The following SMAD3 variants were observed in gnomAD, a reference collection of about 807,000 sequenced individuals.
The protein encoded by SMAD3 is SMAD family member 3, also known as MAD homolog 3.
SMAD3 carries 12 observed loss-of-function variants against 51.8 expected under a neutral mutation model. The observed-to-expected ratio is 0.23, with a 90% CI of 0.15 to 0.38. SMAD3 has a LOEUF of 0.38. Among genes scored for constraint, SMAD3 ranks in the 10% least tolerant of loss-of-function variants. The probability of loss-of-function intolerance (pLI) is 1.00; values close to 1 mark genes in which losing one functional copy is unlikely to be tolerated. For synonymous variants in SMAD3, 238 were observed against 227.7 expected, an observed-to-expected ratio of 1.05 and a Z score of -0.41; for missense variants, 294 against 565.6, an observed-to-expected ratio of 0.52 and a Z score of 4.87.
chr15:67,092,991 G>A (rs1715344002), intron 1 of SMAD3, among the ~76,000 whole-genome samples: 2 of 152,142 alleles, frequency 1.3e-5, no homozygotes, highest in East Asian at 3.9e-4. Flanking sequence ...ACACTTAGGA[G>A]GCTTGTAGCC....
chr15:67,083,958 G>C (rs551552491), intron 1 of SMAD3, among the ~76,000 whole-genome samples: 1 of 152,054 alleles, frequency 6.6e-6, no homozygotes, highest in East Asian at 1.9e-4. Flanking sequence ...TTATGACTTT[G>C]GGGAAGTCAA....
chr15:67,192,867 C>A lies in SMAD3; in HGVS notation c.*2331C>A, dbSNP rs1963403112. 1.3e-5 allele frequency: 3 copies of A among 233,376 alleles called. No individual in the cohort carries two copies. Among genetic ancestry groups the A allele is most frequent in the East Asian group, 6.0e-5 (1 of 16,730 alleles). The allele number at this position is 233,376 out of a possible 1,614,324, so 14.5% of individuals were successfully genotyped here. ...GTCTTAGAACCCTCATTGCTCAGAC[C>A]TGAAGGCTACTTCTAGGAGCATGAA... is the stretch of plus-strand genomic sequence containing the variant. On this transcript the variant is annotated 3_prime_UTR_variant, in exon 9 of 9. Coordinates refer to ENST00000327367, the MANE Select transcript of SMAD3 (RefSeq NM_005902.4).
chr15:67,142,938 T>G (rs1961871866), intron 1 of SMAD3: 1 of 398,290 alleles, frequency 2.5e-6, no homozygotes, highest in Admixed American at 2.8e-5. Flanking sequence ...TGGAACATCC[T>G]CCTCATTTTC....
In SMAD3 at chr15:67,107,154, A is replaced by T. The variant is rs779288417; in HGVS notation, c.206+40794A>T. On this transcript the variant is annotated intron_variant, in intron 1 of 8. Coordinates refer to ENST00000327367, the MANE Select transcript of SMAD3 (RefSeq NM_005902.4). ...TCAATAAATGTTTACTGAGTGCATT[A>T]AAAAAAAAAAAAAGATTTTAATGAG... Among the ~76,000 whole-genome samples the T allele has an allele frequency of 6.4e-5, 9 of 139,918 alleles. No individual in the cohort carries two copies. The South Asian group carries it at 6.6e-4, about 10-fold the overall frequency. The allele number at this position is 139,918 out of a possible 152,430, so 91.8% of individuals were successfully genotyped here.
chr15:67,113,171 C>G (rs1429593718), intron 1 of SMAD3, among the ~76,000 whole-genome samples: 1 of 124,220 alleles, frequency 8.1e-6, no homozygotes, highest in Non-Finnish European at 1.6e-5. Flanking sequence ...GCAAACTCTG[C>G]CTCCCGGGTT....
chr15:67,167,747 C>T (rs1962629662), intron 4 of SMAD3, among the ~76,000 whole-genome samples: 1 of 152,204 alleles, frequency 6.6e-6, no homozygotes, highest in Non-Finnish European at 1.5e-5. Flanking sequence ...ACCAAATTGG[C>T]TCCAGACCAG....
intron 1 of SMAD3, among the ~76,000 whole-genome samples, chr15:67,161,324 C>T (rs1962425979): frequency 1.3e-5 from 2 of 152,158 alleles, no homozygotes; most frequent in Admixed American, 6.5e-5. Context: ...ATTATTGTAG[C>T]TCCCTTGTTT....
In SMAD3 at chr15:67,192,821, G is replaced by A. The variant is rs62014609; in HGVS notation, c.*2285G>A. 57 of 233,164 alleles carry A rather than the reference G, an allele frequency of 2.4e-4. No homozygotes were observed. Among genetic ancestry groups the A allele is most frequent in the Non-Finnish European group, 3.9e-4 (46 of 117,946 alleles). 14.4% of individuals were successfully genotyped at this position (233,164 alleles called of 1,614,324 possible). On this transcript the variant is annotated 3_prime_UTR_variant, in exon 9 of 9. Transcript: ENST00000327367. ...AACTTTGAATGTGATGAAATGACAC[G>A]TTTGGCTGCATTTGGATGGTGTCTT...
At chr15:67,156,933 C>T (rs942438877) in intron 1 of SMAD3, among the ~76,000 whole-genome samples, 4 of 152,182 alleles carry the variant, frequency 2.6e-5, no homozygotes, top group African/African-American at 9.7e-5. Context: ...CAATAGTCTA[C>T]CCCAAAGTCA....
At chr15:67,081,203 A>C (rs1344198657) in intron 1 of SMAD3, among the ~76,000 whole-genome samples, 2 of 152,138 alleles carry the variant, frequency 1.3e-5, no homozygotes, top group African/African-American at 2.4e-5. Flanking sequence ...ACGCGGAGGC[A>C]TGTGTGGGGG....
chr15:67,179,100 C>T (rs1410673292), intron 5 of SMAD3, among the ~76,000 whole-genome samples: 2 of 152,162 alleles, frequency 1.3e-5, no homozygotes, highest in Non-Finnish European at 2.9e-5. Context: ...GAAACAGCGC[C>T]GAGAGTAAAG....
chr15:67,124,153 A>G (rs1961330157), intron 1 of SMAD3, among the ~76,000 whole-genome samples: 1 of 152,080 alleles, frequency 6.6e-6, no homozygotes, highest in African/African-American at 2.4e-5. Flanking sequence ...ACGTCTGGCT[A>G]ATTTTTGTAT....
chr15:67,090,031 G>A (rs1183115511), intron 1 of SMAD3, among the ~76,000 whole-genome samples: 1 of 152,178 alleles, frequency 6.6e-6, no homozygotes, highest in Non-Finnish European at 1.5e-5. Flanking sequence ...CTCCTGGAGG[G>A]CTGCCCCCGC....
intron 1 of SMAD3, among the ~76,000 whole-genome samples, chr15:67,087,216 C>T (rs914029109): frequency 6.6e-6 from 1 of 152,150 alleles, no homozygotes; most frequent in African/African-American, 2.4e-5. Flanking sequence ...ATGTCAGTGT[C>T]TCTGGGAAGC....
chr15:67,103,798 G>A (rs1424770033), intron 1 of SMAD3, among the ~76,000 whole-genome samples: 1 of 152,174 alleles, frequency 6.6e-6, no homozygotes, highest in Non-Finnish European at 1.5e-5. Flanking sequence ...CCACCGTTTC[G>A]GCTTTGACAT....
chr15:67,192,867 C>T lies in SMAD3; in HGVS notation c.*2331C>T. 1 of 233,376 alleles carries T rather than the reference C, an allele frequency of 4.3e-6. No individual in the cohort carries two copies. The highest frequency in any genetic ancestry group is 8.5e-6 in the Non-Finnish European group (1 of 117,992). 14.5% of individuals were successfully genotyped at this position (233,376 alleles called of 1,614,324 possible). ...GTCTTAGAACCCTCATTGCTCAGAC[C>T]TGAAGGCTACTTCTAGGAGCATGAA... On this transcript the variant is annotated 3_prime_UTR_variant, in exon 9 of 9. Coordinates refer to ENST00000327367, the MANE Select transcript of SMAD3 (RefSeq NM_005902.4).
intron 4 of SMAD3, among the ~76,000 whole-genome samples, chr15:67,169,510 C>G (rs1962684363): frequency 6.6e-6 from 1 of 152,082 alleles, no homozygotes; most frequent in Non-Finnish European, 1.5e-5. Context: ...TTTTTTGAAA[C>G]AGTCTCACTG....
chr15:67,125,926 A>G (rs565347744), intron 1 of SMAD3: 5 of 985,374 alleles, frequency 5.1e-6, no homozygotes, highest in Non-Finnish European at 6.0e-6. Context: ...ACATTCCCAC[A>G]GGATGGGACA....
intron 6 of SMAD3, among the ~76,000 whole-genome samples, chr15:67,182,988 A>T (rs1320114030): frequency 1.3e-4 from 4 of 31,404 alleles, no homozygotes; most frequent in African/African-American, 5.1e-4. Flanking sequence ...TATTTTATTA[A>T]AAAAAAAAAA....
Sources: allele counts gnomAD v4.1 joint callset (sites outside exome capture counted in the v4.1 genomes callset), GRCh38; gene constraint gnomAD v4.1.1; transcripts MANE v1.5; gene names NCBI Gene and HGNC (gene_info 2026-07-23, HGNC 2026-07-21).